Variants in RBMS1 observed in about 807,000 individuals in gnomAD.
RBMS1 encodes RNA binding motif single stranded interacting protein 1.
RBMS1 carries 17 observed loss-of-function variants against 62.3 expected under a neutral mutation model. The ratio of observed to expected loss-of-function variants is 0.27; its 90% confidence interval spans 0.19 to 0.41. The LOEUF (loss-of-function observed/expected upper bound fraction) is 0.41, where lower values mean the gene tolerates loss of function less well. Among genes scored for constraint, RBMS1 ranks in the 10% least tolerant of loss-of-function variants. RBMS1 has a pLI of 1.00. For missense variants in RBMS1, 334 were observed against 504.5 expected (o/e 0.66, Z 3.24); for synonymous variants, 172 against 170.0 (o/e 1.01, Z -0.09).
At chr2:160,452,297 A>G (rs1019789407) in intron 1 of RBMS1, among the ~76,000 whole-genome samples, 14 of 152,220 alleles carry the variant, frequency 9.2e-5, no homozygotes, top group Non-Finnish European at 1.6e-4. Context: ...TGGTGAGCTA[A>G]TAAGTACAGT....
chr2:160,464,573 G>A (rs1252949576), intron 1 of RBMS1, among the ~76,000 whole-genome samples: 1 of 152,132 alleles, frequency 6.6e-6, no homozygotes, highest in African/African-American at 2.4e-5. Flanking sequence ...TAAAGCATAT[G>A]GTCAATATTG....
intron 1 of RBMS1, among the ~76,000 whole-genome samples, chr2:160,433,926 T>C (rs902106210): frequency 6.6e-6 from 1 of 152,232 alleles, no homozygotes; most frequent in African/African-American, 2.4e-5. Flanking sequence ...AAGTATGGCA[T>C]TGTGCAATCC....
intron 2 of RBMS1, among the ~76,000 whole-genome samples, chr2:160,342,336 C>T (rs1157942939): frequency 2.6e-5 from 4 of 152,104 alleles, no homozygotes; most frequent in Non-Finnish European, 5.9e-5. Context: ...TGCCAGTGGA[C>T]TATTTAGAGT....
intron 13 of RBMS1, chr2:160,275,381 A>ATTTTT: frequency 4.2e-6 from 2 of 480,544 alleles, no homozygotes; most frequent in Non-Finnish European, 5.9e-6. Context: ...ACAGATTTTT[A>ATTTTT]TTTTTTTCTT....
chr2:160,303,545 TA>T (rs1689328528), intron 4 of RBMS1, 58 bp from the exon 5 acceptor site: 2 of 1,515,500 alleles, frequency 1.3e-6, no homozygotes, highest in Non-Finnish European at 8.9e-7. Context: ...ATATTTATGT[TA>T]ACACACCTAT....
intron 1 of RBMS1, among the ~76,000 whole-genome samples, chr2:160,375,178 C>T (rs2105175784): frequency 6.6e-6 from 1 of 152,254 alleles, no homozygotes; most frequent in South Asian, 2.1e-4. Flanking sequence ...CAGTCAGGAC[C>T]TTTAGTACTC....
At chr2:160,377,472 TTGCTCATGC>T (rs1694062008) in intron 1 of RBMS1, among the ~76,000 whole-genome samples, 1 of 152,206 alleles carries the variant, frequency 6.6e-6, no homozygotes, top group Non-Finnish European at 1.5e-5. Context: ...CTTCCAGGTT[TTGCTCATGC>T]ACAAGGCAGG....
At chr2:160,427,624 C>G (rs1372661587) in intron 1 of RBMS1, among the ~76,000 whole-genome samples, 1 of 152,136 alleles carries the variant, frequency 6.6e-6, no homozygotes, top group East Asian at 1.9e-4. Context: ...TTCTTGAAAA[C>G]TAAGACGGTT....
intron 1 of RBMS1, among the ~76,000 whole-genome samples, chr2:160,377,672 A>C (rs1349660601): frequency 6.6e-6 from 1 of 152,250 alleles, no homozygotes; most frequent in Non-Finnish European, 1.5e-5. Context: ...AGAGCCAATA[A>C]TTATCCACTA....
intron 1 of RBMS1, among the ~76,000 whole-genome samples, chr2:160,370,628 GGCTAGAATTTGAAC>G (rs1466517685): frequency 5.3e-5 from 8 of 152,196 alleles, no homozygotes; most frequent in African/African-American, 1.4e-4. Flanking sequence ...AAGGTGGCAG[GGCTAGAATTTGAAC>G]GCAGGTCTGC....
At chr2:160,319,477 A>ACT (rs1690429217) in intron 2 of RBMS1, among the ~76,000 whole-genome samples, 1 of 152,168 alleles carries the variant, frequency 6.6e-6, no homozygotes. Flanking sequence ...GCACCACTGC[A>ACT]CTCCACCCTG....
chr2:160,280,617 T>A (rs1375338041), intron 10 of RBMS1, among the ~76,000 whole-genome samples: 2 of 152,190 alleles, frequency 1.3e-5, no homozygotes, highest in Non-Finnish European at 2.9e-5. Context: ...TTGCATCAGT[T>A]ACTAGAAAGC....
chr2:160,444,703 G>A (rs1683564522), intron 1 of RBMS1, among the ~76,000 whole-genome samples: 1 of 152,188 alleles, frequency 6.6e-6, no homozygotes, highest in African/African-American at 2.4e-5. Flanking sequence ...AGGGGCTGTA[G>A]GAGGTAATTA....
chr2:160,406,446 G>A (rs988112851), intron 1 of RBMS1, among the ~76,000 whole-genome samples: 2 of 152,190 alleles, frequency 1.3e-5, no homozygotes, highest in African/African-American at 2.4e-5. Context: ...GCTACAGTTC[G>A]CTTGCATCCT....
chr2:160,369,795 C>A (rs955930731), intron 1 of RBMS1, among the ~76,000 whole-genome samples: 2 of 152,158 alleles, frequency 1.3e-5, no homozygotes, highest in East Asian at 3.9e-4. Context: ...TCACTTGAAC[C>A]TTTGATTTTG....
chr2:160,344,690 G>GCATTCAGTT (rs2105998421), intron 2 of RBMS1, among the ~76,000 whole-genome samples: 1 of 152,210 alleles, frequency 6.6e-6, no homozygotes, highest in Admixed American at 6.5e-5. Flanking sequence ...CTAAGTGTTA[G>GCATTCAGTT]CATTCAGTTC....
intron 2 of RBMS1, among the ~76,000 whole-genome samples, chr2:160,361,322 G>A (rs1416167232): frequency 1.3e-5 from 2 of 152,202 alleles, no homozygotes; most frequent in African/African-American, 2.4e-5. Flanking sequence ...AAATCAGGGA[G>A]AGCCATTACC....
chr2:160,382,455 A>T (rs1694327229), intron 1 of RBMS1, among the ~76,000 whole-genome samples: 1 of 152,240 alleles, frequency 6.6e-6, no homozygotes, highest in South Asian at 2.1e-4. Context: ...GATAGCAAGA[A>T]TTATAATTCA....
intron 1 of RBMS1, among the ~76,000 whole-genome samples, chr2:160,489,544 A>G (rs1413334265): frequency 1.3e-5 from 2 of 152,190 alleles, no homozygotes; most frequent in Non-Finnish European, 2.9e-5. Context: ...TAAAAAATGC[A>G]TGCAAAAGTT....
Sources: allele counts gnomAD v4.1 joint callset (sites outside exome capture counted in the v4.1 genomes callset), GRCh38; gene constraint gnomAD v4.1.1; transcripts MANE v1.5; gene names NCBI Gene and HGNC (gene_info 2026-07-23, HGNC 2026-07-21).